Variants in PROX1 observed in about 807,000 individuals in gnomAD.
The protein encoded by PROX1 is prospero homeobox protein 1.
A neutral mutation model predicts 58.8 loss-of-function variants in PROX1; 7 were observed. That is an observed-to-expected ratio of 0.12 (90% CI 0.07 to 0.22). PROX1 has a LOEUF of 0.22. PROX1 is among the 10% of genes least tolerant of loss of function. The pLI is 1.00. For missense variants in PROX1, 675 were observed against 927.8 expected (o/e 0.73, Z 3.54); for synonymous variants, 350 against 358.3 (o/e 0.98, Z 0.26).
intron 3 of PROX1, among the ~76,000 whole-genome samples, chr1:214,005,829 G>A (rs577485856): frequency 6.6e-5 from 10 of 152,256 alleles, no homozygotes; most frequent in Middle Eastern, 3.4e-3. Context: ...TGAATAAAGT[G>A]ACAGATTCAG....
intron 4 of PROX1, among the ~76,000 whole-genome samples, chr1:214,014,585 T>C (rs951015258): frequency 2.6e-5 from 4 of 152,224 alleles, no homozygotes; most frequent in African/African-American, 7.2e-5. Context: ...TTCTAAGTGT[T>C]TTACCAAAAT....
At chr1:214,027,398 TAAAGTC>T (rs1398385128) in intron 4 of PROX1, among the ~76,000 whole-genome samples, 1 of 152,182 alleles carries the variant, frequency 6.6e-6, no homozygotes, top group Non-Finnish European at 1.5e-5. Flanking sequence ...CCTTCTTTTT[TAAAGTC>T]AAGCATCAAC....
At chr1:214,024,605 T>C (rs1346396923) in intron 4 of PROX1, among the ~76,000 whole-genome samples, 1 of 152,172 alleles carries the variant, frequency 6.6e-6, no homozygotes, top group African/African-American at 2.4e-5. Flanking sequence ...TCCTAACAGC[T>C]TCTCCCTAGG....
chr1:213,985,390 C>G (rs960491567), upstream of PROX1: 1 of 152,360 alleles, frequency 6.6e-6, no homozygotes, highest in African/African-American at 2.4e-5. Context: ...TGTACGCCTC[C>G]CCGACAGTAG....
intron 3 of PROX1, among the ~76,000 whole-genome samples, chr1:214,006,268 T>C (rs1663709657): frequency 2.0e-5 from 3 of 152,126 alleles, no homozygotes; most frequent in Non-Finnish European, 4.4e-5. Context: ...GCAGCTTGTT[T>C]TGTGCTTGAT....
At chr1:214,028,428 A>C (rs1664532901) in intron 4 of PROX1, among the ~76,000 whole-genome samples, 1 of 152,196 alleles carries the variant, frequency 6.6e-6, no homozygotes, top group Non-Finnish European at 1.5e-5. Context: ...AGAAAACAGG[A>C]TTTTGACTCA....
chr1:213,990,235 C>T (rs143076848), intron 1 of PROX1, among the ~76,000 whole-genome samples: 15 of 151,784 alleles, frequency 9.9e-5, no homozygotes, highest in African/African-American at 3.4e-4. Context: ...ATGGGCAGGG[C>T]CTGACAGGTG....
chr1:214,022,695 G>A (rs191421489), intron 4 of PROX1, among the ~76,000 whole-genome samples: 1 of 152,212 alleles, frequency 6.6e-6, no homozygotes, highest in African/African-American at 2.4e-5. Flanking sequence ...GCCTCATTGT[G>A]GTCTACTGTG....
chr1:213,990,359 C>G (rs1442586425), intron 1 of PROX1, among the ~76,000 whole-genome samples: 1 of 135,870 alleles, frequency 7.4e-6, no homozygotes, highest in Non-Finnish European at 1.5e-5. Flanking sequence ...TATGGTTGTC[C>G]TGGTTAATAG....
upstream of PROX1, chr1:213,987,348 A>G (rs1276470745): frequency 6.6e-6 from 1 of 151,980 alleles, no homozygotes. Context: ...CAAGGGTGAC[A>G]CGTATCCTTG....
chr1:214,011,131 C>G (rs1247670998), intron 3 of PROX1, among the ~76,000 whole-genome samples: 2 of 152,076 alleles, frequency 1.3e-5, no homozygotes, highest in Non-Finnish European at 2.9e-5. Context: ...GGCACATCAC[C>G]TCTGGTACAT....
intron 4 of PROX1, among the ~76,000 whole-genome samples, chr1:214,021,187 T>G (rs1664267400): frequency 6.6e-6 from 1 of 152,260 alleles, no homozygotes. Context: ...TGCCCACCAT[T>G]ATGGTTTTAT....
chr1:214,032,556 G>A (rs1178456479), intron 4 of PROX1, among the ~76,000 whole-genome samples: 1 of 152,052 alleles, frequency 6.6e-6, no homozygotes, highest in African/African-American at 2.4e-5. Flanking sequence ...ACCACACCCA[G>A]CTAATTTTTT....
At chr1:214,007,490 G>A (rs983448976) in intron 3 of PROX1, among the ~76,000 whole-genome samples, 2 of 152,178 alleles carry the variant, frequency 1.3e-5, no homozygotes, top group Non-Finnish European at 2.9e-5. Flanking sequence ...AGTAATAAAT[G>A]AATTTGTATT....
At chr1:214,030,990 T>C (rs1416190872) in intron 4 of PROX1, 6 of 150,262 alleles carry the variant, frequency 4.0e-5, no homozygotes, top group Admixed American at 3.3e-4. Context: ...CTCATTCCGA[T>C]GGAAAAAAAA....
chr1:213,999,656 G>A (rs1489322209), intron 2 of PROX1, among the ~76,000 whole-genome samples: 1 of 152,116 alleles, frequency 6.6e-6, no homozygotes, highest in Non-Finnish European at 1.5e-5. Context: ...TAACAGAAAG[G>A]GAAGAGAAAG....
At chr1:214,030,437 G>C (rs149309672) in intron 4 of PROX1, 1 of 152,300 alleles carries the variant, frequency 6.6e-6, no homozygotes, top group Non-Finnish European at 1.5e-5. Context: ...TTACGGGTTG[G>C]GGGGTGGGTG....
intron 4 of PROX1, among the ~76,000 whole-genome samples, chr1:214,012,247 C>A (rs1474580257): frequency 6.6e-6 from 1 of 152,112 alleles, no homozygotes; most frequent in Non-Finnish European, 1.5e-5. Flanking sequence ...CATAAGAGAT[C>A]CATTGACATC....
At chr1:213,991,285 G>A (rs1663026564) in intron 1 of PROX1, among the ~76,000 whole-genome samples, 1 of 152,204 alleles carries the variant, frequency 6.6e-6, no homozygotes, top group African/African-American at 2.4e-5. Flanking sequence ...TCTGTAGACT[G>A]AGTTGCACAG....
Sources: allele counts gnomAD v4.1 joint callset (sites outside exome capture counted in the v4.1 genomes callset), GRCh38; gene constraint gnomAD v4.1.1; transcripts MANE v1.5; gene names NCBI Gene and HGNC (gene_info 2026-07-23, HGNC 2026-07-21).